Variants in HIVEP1 observed in about 807,000 individuals in gnomAD.
HIVEP1 encodes zinc finger protein 40.
Under a neutral mutation model 180.0 loss-of-function variants are expected in HIVEP1, and 36 were observed. The ratio of observed to expected loss-of-function variants is 0.20; its 90% CI spans 0.15 to 0.26. The LOEUF (loss-of-function observed/expected upper bound fraction) is 0.26, where lower values mean the gene tolerates loss of function less well. HIVEP1 is among the 10% of genes least tolerant of loss of function. The pLI is 1.00. For synonymous variants in HIVEP1, 1,239 were observed against 1,239.0 expected (o/e 1.00, Z 0.00); for missense variants, 3,143 against 3,268.7 (o/e 0.96, Z 0.94).
At chr6:12,115,850 G>T (rs543089722) in intron 3 of HIVEP1, among the ~76,000 whole-genome samples, 5 of 151,838 alleles carry the variant, frequency 3.3e-5, no homozygotes. Flanking sequence ...AGAGGCTCGC[G>T]GGGGGTGCTG....
chr6:12,145,478 C>G (rs909376900), intron 7 of HIVEP1, among the ~76,000 whole-genome samples: 12 of 151,002 alleles, frequency 7.9e-5, no homozygotes, highest in East Asian at 3.9e-4. Flanking sequence ...TGTAACAAAC[C>G]TGCACGTTGT....
At chr6:12,204,354 G>C in the HIVEP1 span, among the ~76,000 whole-genome samples, 2 of 58,056 alleles carry the variant, frequency 3.4e-5, no homozygotes, top group South Asian at 1.4e-3. Context: ...AGGTGTTCAA[G>C]CTTCCTCCCT....
chr6:12,116,936 A>T (rs550112442), intron 3 of HIVEP1, among the ~76,000 whole-genome samples: 1 of 152,308 alleles, frequency 6.6e-6, no homozygotes, highest in South Asian at 2.1e-4. Context: ...ATAAAATGAG[A>T]TGAAATGGGA....
intron 2 of HIVEP1, among the ~76,000 whole-genome samples, chr6:12,079,347 C>G (rs1218759380): frequency 6.6e-6 from 1 of 152,088 alleles, no homozygotes; most frequent in Non-Finnish European, 1.5e-5. Flanking sequence ...ATTATTAGAT[C>G]TATTTTTGGT....
the HIVEP1 span, among the ~76,000 whole-genome samples, chr6:12,181,458 T>G: frequency 6.6e-6 from 1 of 152,122 alleles, no homozygotes; most frequent in Non-Finnish European, 1.5e-5. Context: ...AGTGAGACCC[T>G]GGAGTGCAGT....
chr6:12,184,062 C>CAGACAGA, the HIVEP1 span, among the ~76,000 whole-genome samples: 2 of 140,150 alleles, frequency 1.4e-5, no homozygotes, highest in Non-Finnish European at 3.1e-5. Flanking sequence ...GACAGACAGA[C>CAGACAGA]TGATTTGGGG....
chr6:12,192,975 T>A, the HIVEP1 span, among the ~76,000 whole-genome samples: 1 of 152,116 alleles, frequency 6.6e-6, no homozygotes, highest in African/African-American at 2.4e-5. Context: ...ACTTAGAAGC[T>A]GTGTGACTAG....
Position 12,161,558 on chromosome 6 carries a change from C to T in HIVEP1, c.6607C>T (p.Leu2203=), listed in dbSNP as rs1581810427. 1 of 1,613,964 alleles carries T rather than the reference C, an allele frequency of 6.2e-7. No homozygotes were observed. Among genetic ancestry groups the T allele is most frequent in the South Asian group, 1.1e-5 (1 of 91,082 alleles). ...DDEDSQAESV[L]SATPSVTASP... ...TGAGGACAGCCAGGCTGAATCAGTCCTGTCAGCCACACCCTCAGTCACAGC... is the reference window on the plus strand; with the variant it reads ...TGAGGACAGCCAGGCTGAATCAGTCTTGTCAGCCACACCCTCAGTCACAGC... The change falls in exon 8 of 9, where the codon CTG becomes TTG. Residue 2203 remains leucine (L), a synonymous_variant. Transcript: ENST00000379388.
At chr6:12,022,429 C>G (rs773079878) in intron 2 of HIVEP1, among the ~76,000 whole-genome samples, 2 of 152,160 alleles carry the variant, frequency 1.3e-5, no homozygotes, top group Non-Finnish European at 2.9e-5. Context: ...CTCGGCCTCC[C>G]AAAGTGCTGG....
At chr6:12,076,858 G>A (rs1052123220) in intron 2 of HIVEP1, among the ~76,000 whole-genome samples, 1 of 152,168 alleles carries the variant, frequency 6.6e-6, no homozygotes, top group Non-Finnish European at 1.5e-5. Flanking sequence ...GGGGCTGAAG[G>A]AAAGAGAATT....
At chr6:12,009,185 G>A (rs1767155349), upstream of HIVEP1, among the ~76,000 whole-genome samples, 1 of 146,714 alleles carries the variant, frequency 6.8e-6, no homozygotes, top group South Asian at 2.1e-4. Context: ...GGGGCCGCGG[G>A]GCCGCGCCAG....
At chr6:12,051,001 C>CATATATGTATATATAT in intron 2 of HIVEP1, among the ~76,000 whole-genome samples, 1 of 77,600 alleles carries the variant, frequency 1.3e-5, no homozygotes, top group Non-Finnish European at 2.6e-5. Flanking sequence ...TACACAAGTG[C>CATATATGTATATATAT]ATATATATAT....
At chr6:12,039,012 T>A (rs1258014493) in intron 2 of HIVEP1, 1 of 152,214 alleles carries the variant, frequency 6.6e-6, no homozygotes, top group Non-Finnish European at 1.5e-5. Context: ...TGAATGTTGT[T>A]ACCCCTTTGG....
intron 4 of HIVEP1, among the ~76,000 whole-genome samples, chr6:12,128,419 A>C (rs1316299646): frequency 2.0e-5 from 3 of 152,184 alleles, no homozygotes; most frequent in African/African-American, 7.2e-5. Context: ...CTTATCTCTT[A>C]GTATTATTAA....
the HIVEP1 span, among the ~76,000 whole-genome samples, chr6:12,198,120 G>T: frequency 1.6e-4 from 25 of 152,328 alleles, no homozygotes; most frequent in Middle Eastern, 3.4e-3. Context: ...ATATTAGTCA[G>T]TGGCCTGAAC....
chr6:12,060,330 T>C (rs993022311), intron 2 of HIVEP1, among the ~76,000 whole-genome samples: 4 of 152,232 alleles, frequency 2.6e-5, no homozygotes, highest in Non-Finnish European at 5.9e-5. Flanking sequence ...TAAATATATA[T>C]CTGGGAAATA....
At chr6:12,028,332 G>A (rs1768718275) in intron 2 of HIVEP1, among the ~76,000 whole-genome samples, 1 of 152,142 alleles carries the variant, frequency 6.6e-6, no homozygotes. Context: ...ATTTATAGTT[G>A]AAGACATAAA....
At position 12,124,881 on chromosome 6, in the gene HIVEP1, G is replaced by A. The variant is rs376829992; in HGVS notation, c.5086G>A (p.Ala1696Thr). The change falls in exon 4 of 9, where the codon GCT (alanine) becomes ACT (threonine). Residue 1696 changes from alanine to threonine, a missense_variant. Around this residue, in one of 12 missense-constraint regions of HIVEP1, gnomAD observed 1,357 missense variants for 1,260.5 expected, o/e 1.08. Transcript: ENST00000379388. ...AACATTACAAAAAGGTCATCAGAATGCTTTGCCAAACCCAGAGAAGGAATT... is the reference window on the plus strand; with the variant it reads ...AACATTACAAAAAGGTCATCAGAATACTTTGCCAAACCCAGAGAAGGAATT... ...VPTLQKGHQN[A>T]LPNPEKEFLC... The A allele has an allele frequency of 6.2e-7, 1 of 1,614,162 alleles. No individual in the cohort carries two copies. Among genetic ancestry groups the A allele is most frequent in the Middle Eastern group, 1.6e-4 (1 of 6,062 alleles).
At chr6:12,185,233 T>C in the HIVEP1 span, among the ~76,000 whole-genome samples, 23 of 152,166 alleles carry the variant, frequency 1.5e-4, no homozygotes, top group Admixed American at 2.6e-4. Flanking sequence ...CACACTGTGG[T>C]GTAAGGCGTT....
Sources: allele counts gnomAD v4.1 joint callset (sites outside exome capture counted in the v4.1 genomes callset), GRCh38; gene constraint gnomAD v4.1.1; regional missense constraint gnomAD v4.1.1; transcripts MANE v1.5; gene names NCBI Gene and HGNC (gene_info 2026-07-23, HGNC 2026-07-21).